Variants in FGF14 observed in about 807,000 individuals in gnomAD.
The protein encoded by FGF14 is fibroblast growth factor 14.
A neutral mutation model predicts 25.5 loss-of-function variants in FGF14; 5 were observed. The observed-to-expected ratio is 0.20, with a 90% CI of 0.10 to 0.41. FGF14 has a LOEUF of 0.41. FGF14 is among the 10% of genes least tolerant of loss of function. The probability of loss-of-function intolerance (pLI) is 1.00; values close to 1 mark genes in which losing one functional copy is unlikely to be tolerated. For missense variants in FGF14, 222 were observed against 320.1 expected, an observed-to-expected ratio of 0.69 and a Z score of 2.34; for synonymous variants, 138 against 118.3, an observed-to-expected ratio of 1.17 and a Z score of -1.08.
chr13:102,001,981 T>G (rs534587061), intron 1 of FGF14: 1 of 152,350 alleles, frequency 6.6e-6, no homozygotes, highest in Non-Finnish European at 1.5e-5. Flanking sequence ...GCACTGCAGC[T>G]TACGCTTAGC....
chr13:101,928,836 G>A (rs888515742), intron 1 of FGF14, among the ~76,000 whole-genome samples: 3 of 108,440 alleles, frequency 2.8e-5, no homozygotes, highest in African/African-American at 1.8e-4. Context: ...AGCATTTCTG[G>A]AACATGGCTA....
intron 3 of FGF14, among the ~76,000 whole-genome samples, chr13:101,786,982 A>G (rs1263768488): frequency 6.6e-6 from 1 of 152,100 alleles, no homozygotes; most frequent in Non-Finnish European, 1.5e-5. Flanking sequence ...TCGCTATTTA[A>G]TCCTGTCCCA....
chr13:102,136,866 G>A (rs1216555540), intron 1 of FGF14, among the ~76,000 whole-genome samples: 5 of 152,188 alleles, frequency 3.3e-5, no homozygotes, highest in Non-Finnish European at 5.9e-5. Context: ...CAATGATCCA[G>A]AGCTATGCCC....
At chr13:102,358,684 C>T (rs868255965) in intron 1 of FGF14, among the ~76,000 whole-genome samples, 2 of 152,120 alleles carry the variant, frequency 1.3e-5, no homozygotes, top group Non-Finnish European at 2.9e-5. Context: ...CCACAAAATA[C>T]GTCTCTTAAC....
intron 1 of FGF14, among the ~76,000 whole-genome samples, chr13:101,890,750 A>G (rs972941689): frequency 6.6e-6 from 1 of 152,150 alleles, no homozygotes; most frequent in Non-Finnish European, 1.5e-5. Context: ...CAAGATGTCC[A>G]GGCCCAGAGC....
At chr13:101,758,489 A>G (rs1329571131) in intron 3 of FGF14, among the ~76,000 whole-genome samples, 1 of 152,228 alleles carries the variant, frequency 6.6e-6, no homozygotes, top group African/African-American at 2.4e-5. Flanking sequence ...TATGATGAGC[A>G]CTTGCTAGTA....
intron 1 of FGF14, among the ~76,000 whole-genome samples, chr13:102,169,822 A>ATAGC (rs71292832): frequency 0.15 from 22,656 of 151,958 alleles, 3,051 homozygotes; most frequent in East Asian, 0.7. Context: ...GGCAAGTTCT[A>ATAGC]TAGCTACACC....
At chr13:102,119,359 T>C (rs2045614780) in intron 1 of FGF14, among the ~76,000 whole-genome samples, 1 of 152,112 alleles carries the variant, frequency 6.6e-6, no homozygotes, top group Non-Finnish European at 1.5e-5. Flanking sequence ...CTAGGGAGAT[T>C]GTTCTAGATT....
chr13:102,211,470 T>A (rs2050157441), intron 1 of FGF14, among the ~76,000 whole-genome samples: 1 of 152,066 alleles, frequency 6.6e-6, no homozygotes, highest in African/African-American at 2.4e-5. Flanking sequence ...TTTTTGCATC[T>A]TTCATTTTAG....
intron 1 of FGF14, among the ~76,000 whole-genome samples, chr13:101,906,492 G>A (rs565850404): frequency 6.6e-6 from 1 of 152,150 alleles, no homozygotes; most frequent in Non-Finnish European, 1.5e-5. Context: ...ATTAAGCAAT[G>A]AGAATCGCAC....
At position 102,400,031 on chromosome 13, in the gene FGF14, C is replaced by T. The variant is rs531304303; in HGVS notation, c.208+1440G>A. ...GGTGGCCGCAAACGGTCTCAGCCTC[C>T]GCACCCACCGCCTCCGTCCCCGCCC... On this transcript the variant is annotated intron_variant, in intron 1 of 4. Transcript: ENST00000376131. The surrounding 1 kb of genome is among the most constrained non-coding windows in gnomAD (Gnocchi z 4.3). Among the ~76,000 whole-genome samples, 122 of 151,920 alleles carry T rather than the reference C, an allele frequency of 8.0e-4. No individual in the cohort carries two copies. Among genetic ancestry groups the T allele is most frequent in the South Asian group, 2.7e-3 (13 of 4,800 alleles).
chr13:101,743,149 C>T (rs1484311170), intron 3 of FGF14, among the ~76,000 whole-genome samples: 2 of 152,306 alleles, frequency 1.3e-5, no homozygotes, highest in East Asian at 1.9e-4. Context: ...TTTGCCCCAA[C>T]CTTCTTGGGC....
intron 1 of FGF14, among the ~76,000 whole-genome samples, chr13:101,944,123 A>G (rs2035654496): frequency 6.6e-6 from 1 of 152,162 alleles, no homozygotes; most frequent in South Asian, 2.1e-4. Context: ...TTTCAAAGAC[A>G]GTGCCATACT....
chr13:102,130,226 G>A (rs1379433916), intron 1 of FGF14, among the ~76,000 whole-genome samples: 1 of 152,172 alleles, frequency 6.6e-6, no homozygotes, highest in East Asian at 1.9e-4. Flanking sequence ...CAAAAGGACT[G>A]GCAAAGTGGA....
At chr13:102,251,678 C>T (rs762397575) in intron 1 of FGF14, among the ~76,000 whole-genome samples, 31 of 152,070 alleles carry the variant, frequency 2.0e-4, no homozygotes, top group Non-Finnish European at 4.3e-4. Flanking sequence ...GAGGAGACAC[C>T]TTTTCCAAAT....
intron 1 of FGF14, among the ~76,000 whole-genome samples, chr13:102,200,640 G>T (rs2049575808): frequency 1.3e-5 from 2 of 149,816 alleles, no homozygotes; most frequent in African/African-American, 2.5e-5. Flanking sequence ...TTTTCAACCA[G>T]GCTGTTCTGT....
At chr13:102,008,443 T>G (rs1281134285) in intron 1 of FGF14, among the ~76,000 whole-genome samples, 1 of 152,202 alleles carries the variant, frequency 6.6e-6, no homozygotes, top group Non-Finnish European at 1.5e-5. Context: ...CATCTGTGTA[T>G]TTTGGGTTCT....
chr13:101,802,127 G>A (rs1180441645), intron 3 of FGF14: 2 of 241,820 alleles, frequency 8.3e-6, no homozygotes, highest in South Asian at 5.1e-5. Context: ...GCTCAGGGAG[G>A]CGAGAAGATG....
chr13:102,316,044 C>T (rs1175172074), intron 1 of FGF14, among the ~76,000 whole-genome samples: 1 of 152,196 alleles, frequency 6.6e-6, no homozygotes, highest in Non-Finnish European at 1.5e-5. Flanking sequence ...TTGGCCAGTG[C>T]TGTCTCATTA....
Sources: gnomAD v4.1 joint callset for allele counts (sites outside exome capture counted in the v4.1 genomes callset) on GRCh38, gnomAD v4.1.1 for gene constraint, Gnocchi (gnomAD v3.1) non-coding constraint, MANE v1.5 for transcripts, NCBI Gene and HGNC (gene_info 2026-07-23, HGNC 2026-07-21) for gene names.